IMPDH2: variants seen among roughly 807,000 people sequenced by gnomAD.
IMPDH2 encodes inosine-5'-monophosphate dehydrogenase 2.
In IMPDH2, 33 loss-of-function variants were observed where a neutral mutation model predicts 57.8. The ratio of observed to expected loss-of-function variants is 0.57; its 90% CI spans 0.43 to 0.76. The LOEUF is 0.76. Ranked by LOEUF, IMPDH2 falls within the 30% of genes least tolerant of loss-of-function variation. IMPDH2 has a pLI of 0.00. For missense variants in IMPDH2, 446 were observed against 659.1 expected, an observed-to-expected ratio of 0.68 and a Z score of 3.54; for synonymous variants, 270 against 241.3, an observed-to-expected ratio of 1.12 and a Z score of -1.10.
Position 49,024,357 on chromosome 3 carries a change from A to T in IMPDH2, c.*26T>A, listed in dbSNP as rs200887858. 6.2e-7 allele frequency: 1 copy of T among 1,613,702 alleles called. No homozygotes were observed. The highest frequency in any genetic ancestry group is 1.3e-5 in the African/African-American group (1 of 74,860). The stretch of plus-strand genomic sequence containing the variant: ...TTTCTAAACTTTTATTGAAAAAAAA[A>T]CCGAGGAGGTGTGCTGGATCCCTTT... On this transcript the variant is annotated 3_prime_UTR_variant, in exon 14 of 14. Transcript: ENST00000326739.
chr3:49,027,097 G>T, intron 5 of IMPDH2, 50 bp from the exon 6 acceptor site: 1 of 1,369,940 alleles, frequency 7.3e-7, no homozygotes, highest in Non-Finnish European at 1.0e-6. Context: ...ACTATGACCA[G>T]TTAACTCTTT....
At chr3:49,028,190 C>G in intron 4 of IMPDH2, 58 bp downstream of exon 4, 1 of 1,402,244 alleles carries the variant, frequency 7.1e-7, no homozygotes, top group Non-Finnish European at 1.0e-6. Flanking sequence ...TACTCCCACC[C>G]CACCCCACCT....
intron 4 of IMPDH2, 111 bp from the exon 5 acceptor site, chr3:49,028,027 CCAAAT>C: frequency 1.1e-6 from 1 of 870,618 alleles, no homozygotes; most frequent in Middle Eastern, 3.3e-4. Context: ...TGCCACAAGA[CCAAAT>C]CACACCAACA....
At chr3:49,028,094 G>C (rs1482483997) in intron 4 of IMPDH2, 154 bp downstream of exon 4, 3 of 790,052 alleles carry the variant, frequency 3.8e-6, no homozygotes, top group Non-Finnish European at 6.3e-6. Context: ...GTCTATTGCT[G>C]CTGCTTTAAG....
At chr3:49,028,993 T>A in intron 1 of IMPDH2, 187 bp from the exon 2 acceptor site, 1 of 657,652 alleles carries the variant, frequency 1.5e-6, no homozygotes, top group Non-Finnish European at 2.8e-6. Flanking sequence ...CGAGCTGTCA[T>A]CAGTGCTCCT....
At chr3:49,027,680 G>A in intron 5 of IMPDH2, 30 bp downstream of exon 5, 1 of 1,588,056 alleles carries the variant, frequency 6.3e-7, no homozygotes, top group East Asian at 2.2e-5. Context: ...GGCTGCTAGA[G>A]CTTGGATCTA....
chr3:49,025,223 TG>T lies in IMPDH2; in HGVS notation c.1052del (p.Ser351Ter), dbSNP rs772607601. ...RPQATAVYKV[S>X]EYARRFGVPV... ...GAACACCAAAGCGCCGTGCATACTC[TG>T]ACACCTTGTACACTGCTGTTGCTTG... On this transcript the variant is annotated frameshift_variant, in exon 10 of 14. Transcript: ENST00000326739. LOFTEE classifies it high-confidence loss of function. The T allele has an allele frequency of 9.3e-6, 15 of 1,614,118 alleles. No individual in the cohort carries two copies. Among genetic ancestry groups the T allele is most frequent in the African/African-American group, 2.7e-5 (2 of 74,946 alleles).
At position 49,026,695 on chromosome 3, in the gene IMPDH2, C is replaced by T; in HGVS notation, c.811G>A (p.Val271Met). 1 of 1,614,212 alleles carries T rather than the reference C, an allele frequency of 6.2e-7. No individual in the cohort carries two copies. Among genetic ancestry groups the T allele is most frequent in the Non-Finnish European group, 8.5e-7 (1 of 1,180,036 alleles). Residue 271 changes from valine (V) to methionine (M), a missense_variant, in exon 7 of 14, where the codon GTG becomes ATG. Coordinates refer to ENST00000326739, the MANE Select transcript of IMPDH2 (RefSeq NM_000884.3). Reference sequence around the variant, plus strand: ...CCTGTGTAGCAGCTCACCAAAACCACTACATCCACACCAGCCTGGGCGAGC... The same window carrying T: ...CCTGTGTAGCAGCTCACCAAAACCATTACATCCACACCAGCCTGGGCGAGC... The part of the protein sequence containing the change: ...DLLAQAGVDV[V>M]VLDSSQGNSI...
chr3:49,027,096 A>G (rs778754798), intron 5 of IMPDH2, 49 bp from the exon 6 acceptor site: 1 of 1,375,402 alleles, frequency 7.3e-7, no homozygotes, highest in Non-Finnish European at 1.0e-6. Flanking sequence ...GACTATGACC[A>G]GTTAACTCTT....
At chr3:49,027,524 G>A (rs545893926) in intron 5 of IMPDH2, among the ~76,000 whole-genome samples, 186 bp downstream of exon 5, 33 of 152,312 alleles carry the variant, frequency 2.2e-4, no homozygotes, top group African/African-American at 7.0e-4. Flanking sequence ...ATACTAGCAA[G>A]CATTTGGGCA....
intron 4 of IMPDH2, 103 bp downstream of exon 4, chr3:49,028,145 G>A (rs575200086): frequency 1.9e-6 from 2 of 1,038,024 alleles, no homozygotes; most frequent in South Asian, 2.6e-5. Flanking sequence ...GAACCCCATG[G>A]TGGGAAGAAA....
Position 49,026,370 on chromosome 3 carries a change from G to A in IMPDH2, c.960C>T (p.Ala320=). 6.2e-7 allele frequency: 1 copy of A among 1,613,744 alleles called. No homozygotes were observed. The highest frequency in any genetic ancestry group is 1.1e-5 in the South Asian group (1 of 90,960). ...AGCCACTTCCCATGCCCACCCGCAGGGCATCCACACCTGCATCAATGAGGT... is the reference window on the plus strand; with the variant it reads ...AGCCACTTCCCATGCCCACCCGCAGAGCATCCACACCTGCATCAATGAGGT... The part of the protein sequence containing the change: ...AKNLIDAGVD[A]LRVGMGSGSI... Residue 320 remains alanine (A), a synonymous_variant, in exon 9 of 14, where the codon GCC becomes GCT. Transcript: ENST00000326739.
rs759500730 is a variant in IMPDH2 at position 49,026,623 on chromosome 3, T to C, written c.820-14A>G. 3.7e-6 allele frequency: 6 copies of C among 1,612,724 alleles called. No individual in the cohort carries two copies. The Admixed American group carries it at 6.7e-5, about 18-fold the overall frequency. On this transcript the variant is annotated splice_polypyrimidine_tract_variant and intron_variant, in intron 7 of 13. Transcript: ENST00000326739. ...CTGGGAAGAGTCCTAGGACAAGAAGTAAGTCTCAGACTGTGATGTGGCAGC... is the reference window on the plus strand; with the variant it reads ...CTGGGAAGAGTCCTAGGACAAGAAGCAAGTCTCAGACTGTGATGTGGCAGC...
chr3:49,029,174 G>C (rs1332686082), intron 1 of IMPDH2, 79 bp downstream of exon 1: 2 of 1,181,154 alleles, frequency 1.7e-6, no homozygotes, highest in Admixed American at 2.0e-5. Context: ...GCCCAAGGCG[G>C]CTCTCGGAAG....
chr3:49,025,316 G>A (rs1259987839), intron 9 of IMPDH2, 47 bp from the exon 10 acceptor site: 2 of 1,608,594 alleles, frequency 1.2e-6, no homozygotes, highest in Non-Finnish European at 1.7e-6. Flanking sequence ...AATGGGGACG[G>A]GCAGTGGACC....
chr3:49,026,712 TG>T lies in IMPDH2; in HGVS notation c.793del (p.Gln265ArgfsTer6). ...CAAAACCACTACATCCACACCAGCCTGGGCGAGCAAGTCCAGCCTATACTTG... is the reference window on the plus strand; with the variant it reads ...CAAAACCACTACATCCACACCAGCCTGGCGAGCAAGTCCAGCCTATACTTG... ...DDKYRLDLLAQAGVDVVVLDS... is the reference protein window; with the variant it reads ...DDKYRLDLLAXAGVDVVVLDS... On this transcript the variant is annotated frameshift_variant, in exon 7 of 14. Coordinates refer to ENST00000326739, the MANE Select transcript of IMPDH2 (RefSeq NM_000884.3). LOFTEE classifies it high-confidence loss of function. 1 of 1,614,180 alleles carries T rather than the reference TG, an allele frequency of 6.2e-7. No homozygotes were observed. Among genetic ancestry groups the T allele is most frequent in the South Asian group, 1.1e-5 (1 of 91,088 alleles).
At chr3:49,025,949 G>A (rs774785492) in intron 9 of IMPDH2, 6 of 464,528 alleles carry the variant, frequency 1.3e-5, no homozygotes, top group South Asian at 3.1e-5. Flanking sequence ...CCAAGCAGCC[G>A]GGCAGTGGGC....
intron 1 of IMPDH2, 72 bp from the exon 2 acceptor site, chr3:49,028,878 C>T (rs2106791765): frequency 8.4e-7 from 1 of 1,188,260 alleles, no homozygotes; most frequent in Non-Finnish European, 1.3e-6. Flanking sequence ...TCCCCATGTA[C>T]CAATCAACCC....
At position 49,027,811 on chromosome 3, in the gene IMPDH2, T is replaced by C. The variant is rs1193044028; in HGVS notation, c.430A>G (p.Ile144Val). Residue 144 changes from isoleucine to valine, a missense_variant, in exon 5 of 14, where the codon ATC (isoleucine) becomes GTC (valine). By Grantham distance (29) the Ile-to-Val change is conservative. Coordinates refer to ENST00000326739, the MANE Select transcript of IMPDH2 (RefSeq NM_000884.3). Reference protein sequence around the residue: ...KARHGFCGIPITDTGRMGSRL... With the variant: ...KARHGFCGIPVTDTGRMGSRL... ...CTCCCCATCCGGCCTGTGTCTGTGA[T>C]TGGGATACCGCAGAAACCATGCCGG... 2 of 1,614,218 alleles carry C rather than the reference T, an allele frequency of 1.2e-6. No individual in the cohort carries two copies. The highest frequency in any genetic ancestry group is 1.7e-6 in the Non-Finnish European group (2 of 1,180,030).
Sources: allele counts gnomAD v4.1 joint callset (sites outside exome capture counted in the v4.1 genomes callset), GRCh38; gene constraint gnomAD v4.1.1; transcripts MANE v1.5; gene names NCBI Gene and HGNC (gene_info 2026-07-23, HGNC 2026-07-21).